The following ADCY8 variants were observed in gnomAD, a reference collection of about 807,000 sequenced individuals.
The protein encoded by ADCY8 is adenylate cyclase 8.
ADCY8 carries 51 observed loss-of-function variants against 119.7 expected under a neutral mutation model. The observed-to-expected ratio is 0.43, with a 90% confidence interval of 0.34 to 0.54. The LOEUF is 0.54. Among genes scored for constraint, ADCY8 ranks in the 20% least tolerant of loss-of-function variants. The probability of loss-of-function intolerance (pLI) is 0.03; values close to 1 mark genes in which losing one functional copy is unlikely to be tolerated. For missense variants in ADCY8, 1,383 were observed against 1,598.8 expected, an observed-to-expected ratio of 0.87 and a Z score of 2.30; for synonymous variants, 665 against 651.0, an observed-to-expected ratio of 1.02 and a Z score of -0.33.
intron 8 of ADCY8, among the ~76,000 whole-genome samples, chr8:130,870,026 T>TC (rs1427937402): frequency 1.3e-5 from 2 of 149,796 alleles, no homozygotes; most frequent in Non-Finnish European, 3.0e-5. Context: ...TTCTTTTTTT[T>TC]TTTTTTGATG....
intron 3 of ADCY8, among the ~76,000 whole-genome samples, chr8:130,945,032 ATG>A (rs936137621): frequency 3.3e-5 from 5 of 152,180 alleles, no homozygotes; most frequent in African/African-American, 9.6e-5. Flanking sequence ...TTCTTGAAGA[ATG>A]TGATGAGCGA....
chr8:130,957,473 CG>C (rs1821464637), intron 2 of ADCY8, among the ~76,000 whole-genome samples: 1 of 152,116 alleles, frequency 6.6e-6, no homozygotes, highest in East Asian at 1.9e-4. Context: ...TGCAACTTGA[CG>C]ATGTGATAGA....
chr8:130,906,375 A>AT (rs750938675), intron 6 of ADCY8, among the ~76,000 whole-genome samples: 3 of 152,334 alleles, frequency 2.0e-5, no homozygotes, highest in Non-Finnish European at 4.4e-5. Flanking sequence ...ATTAAGTTAC[A>AT]TATCAACCCC....
chr8:130,874,052 A>C (rs1477687754), intron 8 of ADCY8, among the ~76,000 whole-genome samples: 1 of 152,088 alleles, frequency 6.6e-6, no homozygotes, highest in Non-Finnish European at 1.5e-5. Flanking sequence ...TCATGCCTGT[A>C]ATCCCAGTGC....
intron 13 of ADCY8, among the ~76,000 whole-genome samples, chr8:130,816,417 ATTTTTTTTTCT>A (rs1816343609): frequency 8.3e-6 from 1 of 121,070 alleles, no homozygotes; most frequent in African/African-American, 3.0e-5. Context: ...TTCTTAATTA[ATTTTTTTTTCT>A]TTTTTTTTTT....
At chr8:130,813,190 AC>A (rs1816225123) in intron 14 of ADCY8, among the ~76,000 whole-genome samples, 1 of 152,066 alleles carries the variant, frequency 6.6e-6, no homozygotes, top group Admixed American at 6.5e-5. Flanking sequence ...CTCATGGTCC[AC>A]CCGCCTGAGC....
At chr8:130,871,601 C>T (rs1314187010) in intron 8 of ADCY8, among the ~76,000 whole-genome samples, 6 of 152,142 alleles carry the variant, frequency 3.9e-5, no homozygotes, top group Admixed American at 3.9e-4. Flanking sequence ...TCTATACTTT[C>T]TTCTATGTGA....
At chr8:130,977,726 G>A (rs527964955) in intron 2 of ADCY8, among the ~76,000 whole-genome samples, 2 of 152,336 alleles carry the variant, frequency 1.3e-5, no homozygotes, top group African/African-American at 4.8e-5. Flanking sequence ...TTGAGGCACA[G>A]AGAGGTTAGG....
intron 8 of ADCY8, among the ~76,000 whole-genome samples, chr8:130,883,432 C>T (rs1470561992): frequency 6.6e-6 from 1 of 152,130 alleles, no homozygotes. Context: ...TACATAGACA[C>T]AATCCATCTC....
intron 8 of ADCY8, among the ~76,000 whole-genome samples, chr8:130,879,825 A>G (rs893957541): frequency 6.6e-6 from 1 of 152,178 alleles, no homozygotes; most frequent in African/African-American, 2.4e-5. Context: ...AGCCCTGTGC[A>G]TACAATGGTC....
chr8:130,843,477 C>T (rs1052380494), intron 11 of ADCY8, among the ~76,000 whole-genome samples: 2 of 152,262 alleles, frequency 1.3e-5, no homozygotes, highest in East Asian at 1.9e-4. Flanking sequence ...TCAGGGAGTC[C>T]ACCTTGGTTT....
chr8:130,830,705 G>A (rs1030342600), intron 12 of ADCY8, among the ~76,000 whole-genome samples: 1 of 152,158 alleles, frequency 6.6e-6, no homozygotes, highest in Non-Finnish European at 1.5e-5. Context: ...AGACTAAAAA[G>A]AGGGTGGGTT....
At chr8:130,797,568 G>A (rs1026326437) in intron 15 of ADCY8, among the ~76,000 whole-genome samples, 1 of 152,292 alleles carries the variant, frequency 6.6e-6, no homozygotes, top group African/African-American at 2.4e-5. Context: ...TAGACACAGA[G>A]CTGGGCCCTG....
chr8:130,799,841 T>A (rs1815712119), intron 15 of ADCY8, among the ~76,000 whole-genome samples: 1 of 152,200 alleles, frequency 6.6e-6, no homozygotes, highest in African/African-American at 2.4e-5. Flanking sequence ...AGTAACTGGA[T>A]GGACACTGGT....
intron 12 of ADCY8, among the ~76,000 whole-genome samples, chr8:130,832,690 CCTGGAGTTATATTTA>C (rs1292760583): frequency 2.0e-5 from 3 of 152,122 alleles, no homozygotes; most frequent in African/African-American, 7.2e-5. Flanking sequence ...CAGCAATGAA[CCTGGAGTTATATTTA>C]CTTTCATGAT....
At chr8:130,999,624 T>G (rs568420471) in intron 1 of ADCY8, among the ~76,000 whole-genome samples, 1 of 152,164 alleles carries the variant, frequency 6.6e-6, no homozygotes, top group Non-Finnish European at 1.5e-5. Context: ...CATAGCACAC[T>G]TTGTACAAGG....
rs141315691 is a variant in ADCY8 at position 130,944,207 on chromosome 8, A to C, written c.1242-745T>G. On this transcript the variant is annotated intron_variant, in intron 3 of 17. Transcript: ENST00000286355. ...GAAACTGAGGCTCAGAGATGCAAGG[A>C]GACTTGCCCAGCATCTCACTAGTGG... Among the ~76,000 whole-genome samples, 512 of 152,300 alleles carry C rather than the reference A, an allele frequency of 3.4e-3. 3 individuals are homozygous for C. Among genetic ancestry groups the C allele is most frequent in the Middle Eastern group, 0.017 (5 of 294 alleles).
chr8:130,948,128 T>C (rs80249584), intron 3 of ADCY8, among the ~76,000 whole-genome samples: 3,424 of 152,272 alleles, frequency 0.022, 134 homozygotes, highest in African/African-American at 0.078. Flanking sequence ...GAGCCTTTGT[T>C]CCTGAATCAC....
intron 9 of ADCY8, among the ~76,000 whole-genome samples, chr8:130,866,475 T>C (rs962124145): frequency 6.6e-6 from 1 of 152,192 alleles, no homozygotes; most frequent in African/African-American, 2.4e-5. Flanking sequence ...AGCCATAGTG[T>C]CTACTATATT....
Sources: allele counts gnomAD v4.1 joint callset (sites outside exome capture counted in the v4.1 genomes callset), GRCh38; gene constraint gnomAD v4.1.1; transcripts MANE v1.5; gene names NCBI Gene and HGNC (gene_info 2026-07-23, HGNC 2026-07-21).